The following PTPRK variants were observed in gnomAD, a reference collection of about 807,000 sequenced individuals.
PTPRK encodes protein tyrosine phosphatase receptor type K.
In PTPRK, 75 loss-of-function variants were observed where a neutral mutation model predicts 178.0. The ratio of observed to expected loss-of-function variants is 0.42; its 90% CI spans 0.35 to 0.51. The LOEUF (loss-of-function observed/expected upper bound fraction) is 0.51. PTPRK is among the 20% of genes least tolerant of loss of function. PTPRK has a pLI of 0.02. For missense variants in PTPRK, 1,441 were observed against 1,797.8 expected (o/e 0.80, Z 3.59); for synonymous variants, 637 against 620.6 (o/e 1.03, Z -0.39).
intron 7 of PTPRK, among the ~76,000 whole-genome samples, chr6:128,182,304 G>A (rs990726810): frequency 2.6e-5 from 4 of 152,068 alleles, no homozygotes; most frequent in African/African-American, 9.7e-5. Context: ...GGCCAGGCAC[G>A]GTAGCTCACA....
chr6:128,307,556 C>T (rs1444192534), intron 3 of PTPRK, among the ~76,000 whole-genome samples: 1 of 150,934 alleles, frequency 6.6e-6, no homozygotes, highest in Non-Finnish European at 1.5e-5. Context: ...CAAGCCAAGA[C>T]AAGCATGTAT....
intron 3 of PTPRK, among the ~76,000 whole-genome samples, chr6:128,303,580 T>C (rs1825953339): frequency 6.6e-6 from 1 of 152,220 alleles, no homozygotes; most frequent in African/African-American, 2.4e-5. Context: ...TCAATATTAG[T>C]GCATGGTATT....
chr6:128,178,318 C>T (rs560705298), intron 7 of PTPRK, among the ~76,000 whole-genome samples: 3 of 151,916 alleles, frequency 2.0e-5, no homozygotes, highest in South Asian at 4.2e-4. Flanking sequence ...TGCAGTCCTG[C>T]GTGTGGCGAT....
intron 13 of PTPRK, among the ~76,000 whole-genome samples, chr6:128,036,303 T>C (rs1776200199): frequency 6.6e-6 from 1 of 152,198 alleles, no homozygotes; most frequent in African/African-American, 2.4e-5. Flanking sequence ...GGAGATGTTT[T>C]AGAGACAAAA....
At chr6:128,270,338 A>G (rs1819612956) in intron 3 of PTPRK, among the ~76,000 whole-genome samples, 1 of 152,160 alleles carries the variant, frequency 6.6e-6, no homozygotes, top group African/African-American at 2.4e-5. Context: ...ATGGATCAAC[A>G]TATTTTCTGG....
At chr6:128,015,378 C>T (rs934845374) in intron 13 of PTPRK, among the ~76,000 whole-genome samples, 2 of 151,672 alleles carry the variant, frequency 1.3e-5, no homozygotes, top group African/African-American at 2.4e-5. Context: ...AGCGTTAGTG[C>T]ACTGTCTTAC....
At chr6:128,352,142 T>G (rs1215968280) in intron 2 of PTPRK, among the ~76,000 whole-genome samples, 2 of 149,028 alleles carry the variant, frequency 1.3e-5, no homozygotes, top group East Asian at 4.0e-4. Flanking sequence ...TAATCCCAGC[T>G]ACTAAGGAGG....
At chr6:128,376,677 G>C (rs1837128704) in intron 2 of PTPRK, among the ~76,000 whole-genome samples, 1 of 152,152 alleles carries the variant, frequency 6.6e-6, no homozygotes. Context: ...TTGTCAGGCT[G>C]CAAATTTTCC....
chr6:128,411,873 CT>C (rs1842346665), intron 1 of PTPRK, among the ~76,000 whole-genome samples: 1 of 152,104 alleles, frequency 6.6e-6, no homozygotes, highest in African/African-American at 2.4e-5. Context: ...CCACATTATA[CT>C]TTCTTATAAT....
chr6:128,290,493 G>A (rs187097891), intron 3 of PTPRK, among the ~76,000 whole-genome samples: 8 of 152,012 alleles, frequency 5.3e-5, no homozygotes, highest in East Asian at 1.9e-4. Context: ...CAGTCCTACC[G>A]TGTCAGAAAT....
chr6:128,512,071 T>C (rs1052119447), intron 1 of PTPRK, among the ~76,000 whole-genome samples: 3 of 152,144 alleles, frequency 2.0e-5, no homozygotes, highest in African/African-American at 4.8e-5. Context: ...AGTTCCAGAA[T>C]TTGGAGTCAA....
At chr6:128,513,493 A>AAAAAGAAAGAAAGAAAG (rs796327188) in intron 1 of PTPRK, among the ~76,000 whole-genome samples, 219 of 150,316 alleles carry the variant, frequency 1.5e-3, no homozygotes, top group African/African-American at 4.9e-3. Context: ...CAAAAAAAAA[A>AAAAAGAAAGAAAGAAAG]AAAGAAAGAA....
At chr6:128,041,112 T>C (rs887753571) in intron 13 of PTPRK, among the ~76,000 whole-genome samples, 5 of 152,154 alleles carry the variant, frequency 3.3e-5, no homozygotes, top group Non-Finnish European at 7.4e-5. Context: ...AATTTCTCCA[T>C]GATTTTTGTA....
intron 7 of PTPRK, among the ~76,000 whole-genome samples, chr6:128,178,203 T>C (rs189658629): frequency 6.6e-5 from 10 of 151,884 alleles, no homozygotes; most frequent in Non-Finnish European, 1.2e-4. Context: ...TACTGAAGTA[T>C]GTTATATTTT....
At chr6:128,436,845 G>A (rs1845661231) in intron 1 of PTPRK, among the ~76,000 whole-genome samples, 1 of 152,100 alleles carries the variant, frequency 6.6e-6, no homozygotes, top group Non-Finnish European at 1.5e-5. Flanking sequence ...TGAAGAGAAG[G>A]GGAAACAAGA....
chr6:128,051,823 C>G (rs1279418703), intron 13 of PTPRK, among the ~76,000 whole-genome samples: 1 of 151,994 alleles, frequency 6.6e-6, no homozygotes, highest in African/African-American at 2.4e-5. Flanking sequence ...TTTATGTTAG[C>G]TATTTTTTGG....
At chr6:128,197,558 A>G (rs1805111214) in intron 6 of PTPRK, among the ~76,000 whole-genome samples, 1 of 152,032 alleles carries the variant, frequency 6.6e-6, no homozygotes, top group African/African-American at 2.4e-5. Flanking sequence ...TTAAACAGAG[A>G]TATAAATGTA....
chr6:128,142,558 A>T (rs1241326889), intron 7 of PTPRK, among the ~76,000 whole-genome samples: 1 of 151,576 alleles, frequency 6.6e-6, no homozygotes, highest in East Asian at 1.9e-4. Context: ...CATAATATAT[A>T]TATACACACA....
chr6:128,516,210 G>T (rs1857991791), intron 1 of PTPRK, among the ~76,000 whole-genome samples: 1 of 152,130 alleles, frequency 6.6e-6, no homozygotes, highest in African/African-American at 2.4e-5. Context: ...GGGCAGAGTG[G>T]CAGAGGGGTT....
Sources: allele counts gnomAD v4.1 joint callset (sites outside exome capture counted in the v4.1 genomes callset), GRCh38; gene constraint gnomAD v4.1.1; transcripts MANE v1.5; gene names NCBI Gene and HGNC (gene_info 2026-07-23, HGNC 2026-07-21).